TTC7B: variants seen among roughly 807,000 people sequenced by gnomAD.
The protein encoded by TTC7B is tetratricopeptide repeat domain 7B.
In TTC7B, 28 loss-of-function variants were observed where a neutral mutation model predicts 106.8. The ratio of observed to expected loss-of-function variants is 0.26; its 90% CI spans 0.19 to 0.36. The LOEUF (loss-of-function observed/expected upper bound fraction) is 0.36. Among genes scored for constraint, TTC7B ranks in the 10% least tolerant of loss-of-function variants. The pLI, the probability that TTC7B is intolerant of heterozygous loss-of-function variation, is 1.00. For synonymous variants in TTC7B, 405 were observed against 430.6 expected (o/e 0.94, Z 0.74); for missense variants, 862 against 1,076.4 (o/e 0.80, Z 2.79).
rs2030543379 is a variant in TTC7B at position 90,805,374 on chromosome 14, C to T, written c.121+10801G>A. On this transcript the variant is annotated intron_variant, in intron 1 of 19. Coordinates refer to ENST00000328459, the MANE Select transcript of TTC7B (RefSeq NM_001010854.2). The surrounding 1 kb of genome is among the most constrained non-coding windows in gnomAD (Gnocchi z 4.0). ...GGGTTCAGGCAATTCTCCTGTTCTC[C>T]TGCCTCAGCCTCCCGCGTAGCTGCG... Among the ~76,000 whole-genome samples the T allele has an allele frequency of 6.6e-6, 1 of 152,230 alleles. No homozygotes were observed. Among genetic ancestry groups the T allele is most frequent in the South Asian group, 2.1e-4 (1 of 4,834 alleles).
chr14:90,738,918 G>A (rs879684249), intron 4 of TTC7B, among the ~76,000 whole-genome samples: 1 of 152,110 alleles, frequency 6.6e-6, no homozygotes, highest in Non-Finnish European at 1.5e-5. Context: ...CCAGCTACTT[G>A]GGAGGCTGAG....
chr14:90,647,576 C>G (rs1885517228), intron 13 of TTC7B, among the ~76,000 whole-genome samples: 1 of 151,752 alleles, frequency 6.6e-6, no homozygotes, highest in Non-Finnish European at 1.5e-5. Context: ...GAAGCTTCTA[C>G]AAAATTCCAT....
At chr14:90,601,659 G>A (rs1020086152) in intron 17 of TTC7B, among the ~76,000 whole-genome samples, 14 of 152,088 alleles carry the variant, frequency 9.2e-5, no homozygotes, top group African/African-American at 2.7e-4. Context: ...GCAGGGGAGC[G>A]CCCCGGGTCC....
chr14:90,704,636 C>T (rs1566846035), intron 5 of TTC7B, among the ~76,000 whole-genome samples: 1 of 152,208 alleles, frequency 6.6e-6, no homozygotes, highest in African/African-American at 2.4e-5. Context: ...TGAACCTAGA[C>T]ACATCTGGCT....
chr14:90,544,463 G>A (rs756514858), intron 19 of TTC7B, among the ~76,000 whole-genome samples: 1 of 152,166 alleles, frequency 6.6e-6, no homozygotes, highest in Non-Finnish European at 1.5e-5. Context: ...CCAGCTGCGG[G>A]TGGCAAATAA....
Position 90,613,639 on chromosome 14 carries a change from C to T in TTC7B, c.1869-2800G>A, listed in dbSNP as rs142889500. Among the ~76,000 whole-genome samples, 136 of 152,334 alleles carry T rather than the reference C, an allele frequency of 8.9e-4. 1 individual carries two copies. The highest frequency in any genetic ancestry group is 3.2e-3 in the African/African-American group (134 of 41,570). On this transcript the variant is annotated intron_variant, in intron 16 of 19. Coordinates refer to ENST00000328459, the MANE Select transcript of TTC7B (RefSeq NM_001010854.2). ...GTCACCTTCCTCTCTCCCTCTGGGA[C>T]ACATCTGCTCAGGCACTTCTGTGAA...
intron 4 of TTC7B, among the ~76,000 whole-genome samples, chr14:90,732,580 G>A (rs1889367713): frequency 6.6e-6 from 1 of 152,110 alleles, no homozygotes. Context: ...GTTTCACCAT[G>A]CTGCCCAGGC....
At chr14:90,709,806 G>A (rs919960611) in intron 5 of TTC7B, among the ~76,000 whole-genome samples, 1 of 151,594 alleles carries the variant, frequency 6.6e-6, no homozygotes, top group African/African-American at 2.4e-5. Flanking sequence ...CATAAGTCTA[G>A]CATAATATTA....
At chr14:90,729,734 T>C (rs1889251620) in intron 5 of TTC7B, among the ~76,000 whole-genome samples, 1 of 152,160 alleles carries the variant, frequency 6.6e-6, no homozygotes, top group South Asian at 2.1e-4. Flanking sequence ...ATTAACTTTT[T>C]CCTTAACAAA....
chr14:90,611,406 T>C lies in TTC7B; in HGVS notation c.1869-567A>G, dbSNP rs114805699. Among the ~76,000 whole-genome samples the C allele has an allele frequency of 7.3e-3, 1,109 of 152,330 alleles. 14 individuals carry two copies. Among genetic ancestry groups the C allele is most frequent in the African/African-American group, 0.026 (1,073 of 41,570 alleles). ...TCAGATGGTTCTAAGGTGCAGCTGC[T>C]GGATTCAAGAACCCCTGACCCCCTT... On this transcript the variant is annotated intron_variant, in intron 16 of 19. Coordinates refer to ENST00000328459, the MANE Select transcript of TTC7B (RefSeq NM_001010854.2).
chr14:90,787,071 G>A (rs1439727527), intron 1 of TTC7B, among the ~76,000 whole-genome samples: 1 of 152,166 alleles, frequency 6.6e-6, no homozygotes, highest in African/African-American at 2.4e-5. Context: ...TGTCTGTACA[G>A]CCAGATCTTA....
chr14:90,607,815 T>C (rs925617314), intron 17 of TTC7B, among the ~76,000 whole-genome samples: 1 of 152,136 alleles, frequency 6.6e-6, no homozygotes, highest in Non-Finnish European at 1.5e-5. Context: ...TGGCAGGTGC[T>C]CAAAAGCATA....
Position 90,771,631 on chromosome 14 carries a change from C to T in TTC7B, c.445+9107G>A, listed in dbSNP as rs533558513. Reference sequence around the variant, plus strand: ...AGAAAAAAATCCATAAGGCACACCACCGTGCAGCCTTTACAAACTAAGTTT... The same window carrying T: ...AGAAAAAAATCCATAAGGCACACCATCGTGCAGCCTTTACAAACTAAGTTT... On this transcript the variant is annotated intron_variant, in intron 3 of 19. Transcript: ENST00000328459. Among the ~76,000 whole-genome samples the T allele has an allele frequency of 5.9e-5, 9 of 152,066 alleles. No individual in the cohort carries two copies. In the East Asian group the frequency reaches 1.7e-3, roughly 29 times the overall value.
intron 19 of TTC7B, among the ~76,000 whole-genome samples, chr14:90,561,765 C>G (rs1340583378): frequency 6.6e-6 from 1 of 152,194 alleles, no homozygotes; most frequent in Non-Finnish European, 1.5e-5. Flanking sequence ...TGGTGGACAT[C>G]ATATAAACCA....
At chr14:90,592,169 T>C (rs1891987719) in intron 18 of TTC7B, among the ~76,000 whole-genome samples, 1 of 152,104 alleles carries the variant, frequency 6.6e-6, no homozygotes, top group Non-Finnish European at 1.5e-5. Flanking sequence ...TATCATACGA[T>C]TAGCCTTGGC....
intron 19 of TTC7B, among the ~76,000 whole-genome samples, chr14:90,546,084 G>A (rs1889819818): frequency 6.6e-6 from 1 of 152,234 alleles, no homozygotes; most frequent in South Asian, 2.1e-4. Flanking sequence ...TCTCCCCAGT[G>A]AGCCAGGAGC....
intron 1 of TTC7B, among the ~76,000 whole-genome samples, chr14:90,792,089 T>G (rs1891605637): frequency 6.6e-6 from 1 of 152,170 alleles, no homozygotes; most frequent in Admixed American, 6.6e-5. Context: ...GCACTTCTCC[T>G]GCTGCTTTGG....
At chr14:90,641,425 G>A (rs1032310557) in intron 15 of TTC7B, among the ~76,000 whole-genome samples, 1 of 152,200 alleles carries the variant, frequency 6.6e-6, no homozygotes, top group African/African-American at 2.4e-5. Flanking sequence ...CTGCAGACAA[G>A]CTTGTCACAA....
chr14:90,623,831 A>T (rs1884318135), intron 15 of TTC7B, among the ~76,000 whole-genome samples: 1 of 152,112 alleles, frequency 6.6e-6, no homozygotes, highest in African/African-American at 2.4e-5. Context: ...GACCATCCTG[A>T]CCAACATGGT....
Sources: allele counts gnomAD v4.1 joint callset (sites outside exome capture counted in the v4.1 genomes callset), GRCh38; gene constraint gnomAD v4.1.1; non-coding constraint Gnocchi (gnomAD v3.1); transcripts MANE v1.5; gene names NCBI Gene and HGNC (gene_info 2026-07-23, HGNC 2026-07-21).